Variants in HERC4 observed in about 807,000 individuals in gnomAD.
HERC4 encodes probable E3 ubiquitin-protein ligase HERC4.
A neutral mutation model predicts 124.3 loss-of-function variants in HERC4; 28 were observed. The observed-to-expected ratio is 0.23, with a 90% CI of 0.17 to 0.31. HERC4 has a LOEUF of 0.31. Ranked by LOEUF, HERC4 falls within the 10% of genes least tolerant of loss-of-function variation. The pLI is 1.00. For missense variants in HERC4, 713 were observed against 1,229.3 expected (o/e 0.58, Z 6.28); for synonymous variants, 407 against 421.5 (o/e 0.97, Z 0.42).
In HERC4 at chr10:67,954,660, A is replaced by G. The variant is rs765676364; in HGVS notation, c.2272T>C (p.Leu758=). Residue 758 remains leucine (L), a synonymous_variant, in exon 19 of 25, where the codon TTG becomes CTG. Transcript: ENST00000373700. Reference sequence around the variant, plus strand: ...CTAAACATGCCGTATTTAGGATCCAATAATTCCCTCATGATGAGCAAGAAA... The same window carrying G: ...CTAAACATGCCGTATTTAGGATCCAGTAATTCCCTCATGATGAGCAAGAAA... ...EFFLLIMREL[L]DPKYGMFRYY... 5 of 1,613,768 alleles carry G rather than the reference A, an allele frequency of 3.1e-6. No homozygotes were observed. The South Asian group carries it at 4.4e-5, about 14-fold the overall frequency.
chr10:68,059,569 T>C (rs183333411), intron 3 of HERC4, among the ~76,000 whole-genome samples: 3,491 of 85,822 alleles, frequency 0.041, 706 homozygotes, highest in African/African-American at 0.21. Context: ...ATCATAATAT[T>C]ATATATCATA....
intron 24 of HERC4, among the ~76,000 whole-genome samples, chr10:67,924,342 G>A (rs2030618238): frequency 6.6e-6 from 1 of 152,124 alleles, no homozygotes; most frequent in South Asian, 2.1e-4. Context: ...GCATCATTAG[G>A]TGATTTCATT....
At chr10:68,005,205 A>G (rs1448829117) in intron 9 of HERC4, among the ~76,000 whole-genome samples, 2 of 152,046 alleles carry the variant, frequency 1.3e-5, no homozygotes, top group African/African-American at 4.8e-5. Flanking sequence ...TCCGCTTTGT[A>G]TATCTGGGTT....
chr10:68,027,202 G>A (rs968798936), intron 7 of HERC4, among the ~76,000 whole-genome samples: 51 of 152,108 alleles, frequency 3.4e-4, no homozygotes, highest in African/African-American at 1.2e-3. Flanking sequence ...ACTACATACT[G>A]TTATATGAGA....
Position 68,010,581 on chromosome 10 carries a change from T to C in HERC4, c.1069+3445A>G, listed in dbSNP as rs2133084614. 4.2e-6 allele frequency: 5 copies of C among 1,182,486 alleles called. No homozygotes were observed. The South Asian group carries it at 6.5e-5, about 15-fold the overall frequency. 73.2% of individuals were successfully genotyped at this position (1,182,486 alleles called of 1,614,324 possible). A position where few individuals can be genotyped will look rare whatever the true frequency, so the allele number is the denominator to read the frequency against. ...CTCCAGGTTCTCAATACTGGTTCGC[T>C]TTCTCTTTCAGGCCTGCACGAGGGT... On this transcript the variant is annotated intron_variant, in intron 9 of 24. Coordinates refer to ENST00000373700, the MANE Select transcript of HERC4 (RefSeq NM_015601.4).
At chr10:68,073,352 T>A (rs1005461508) in intron 2 of HERC4, among the ~76,000 whole-genome samples, 166 bp from the exon 3 acceptor site, 2 of 152,200 alleles carry the variant, frequency 1.3e-5, no homozygotes, top group Admixed American at 6.5e-5. Context: ...TTGTATTTTT[T>A]AAAATGTATC....
At chr10:68,064,022 C>T (rs2041168640) in intron 3 of HERC4, among the ~76,000 whole-genome samples, 1 of 151,002 alleles carries the variant, frequency 6.6e-6, no homozygotes, top group Admixed American at 6.6e-5. Context: ...GTGGGCAGAT[C>T]ACTTGAGGCC....
At chr10:68,035,377 C>T (rs562830184) in intron 5 of HERC4, among the ~76,000 whole-genome samples, 64 of 152,192 alleles carry the variant, frequency 4.2e-4, no homozygotes, top group African/African-American at 1.1e-3. Flanking sequence ...AGGCTGGTCT[C>T]GAACTCCTGA....
At chr10:68,053,729 C>G (rs1365909268) in intron 3 of HERC4, among the ~76,000 whole-genome samples, 2 of 152,164 alleles carry the variant, frequency 1.3e-5, no homozygotes, top group African/African-American at 4.8e-5. Flanking sequence ...CTTGAACCTC[C>G]CCTGATAAAG....
chr10:67,973,414 G>C (rs2035372204), intron 15 of HERC4, among the ~76,000 whole-genome samples: 1 of 152,172 alleles, frequency 6.6e-6, no homozygotes, highest in Non-Finnish European at 1.5e-5. Flanking sequence ...CTAAAACAAG[G>C]CCCAATCCCG....
At chr10:67,949,899 A>G (rs533658021) in intron 19 of HERC4, among the ~76,000 whole-genome samples, 89 of 151,934 alleles carry the variant, frequency 5.9e-4, no homozygotes, top group South Asian at 4.4e-3. Context: ...CACACCTGTA[A>G]TCTCAGCTAC....
At chr10:68,059,458 TAA>T (rs1491275325) in intron 3 of HERC4, among the ~76,000 whole-genome samples, 2 of 63,032 alleles carry the variant, frequency 3.2e-5, no homozygotes, top group African/African-American at 2.4e-4. Flanking sequence ...TTATATATTA[TAA>T]TAATATTATA....
intron 7 of HERC4, among the ~76,000 whole-genome samples, chr10:68,031,628 T>G (rs1031305868): frequency 4.6e-5 from 7 of 152,208 alleles, no homozygotes; most frequent in Non-Finnish European, 7.3e-5. Context: ...CTTTCATAAT[T>G]GGTCATTATA....
chr10:67,973,292 A>C (rs1382199983), intron 15 of HERC4, among the ~76,000 whole-genome samples: 1 of 152,168 alleles, frequency 6.6e-6, no homozygotes, highest in Non-Finnish European at 1.5e-5. Context: ...CCCCCACCTA[A>C]ACTGCTAAAG....
intron 23 of HERC4, among the ~76,000 whole-genome samples, chr10:67,928,814 G>A (rs766625071): frequency 1.4e-4 from 21 of 152,126 alleles, no homozygotes; most frequent in South Asian, 6.2e-4. Context: ...CCAGCTACTC[G>A]GGAGGCTGAG....
At chr10:68,022,398 C>T (rs2038677484) in intron 8 of HERC4, among the ~76,000 whole-genome samples, 1 of 152,078 alleles carries the variant, frequency 6.6e-6, no homozygotes, top group Non-Finnish European at 1.5e-5. Context: ...ACTTGGGAAA[C>T]TGAGGCAGGA....
intron 3 of HERC4, among the ~76,000 whole-genome samples, chr10:68,047,960 T>C: frequency 6.6e-6 from 1 of 151,908 alleles, no homozygotes; most frequent in East Asian, 1.9e-4. Flanking sequence ...GGTCTCACCC[T>C]GTTGCCCAGG....
intron 15 of HERC4, among the ~76,000 whole-genome samples, 171 bp downstream of exon 15, chr10:67,988,491 AG>A (rs1247074661): frequency 6.6e-6 from 1 of 152,078 alleles, no homozygotes; most frequent in African/African-American, 2.4e-5. Flanking sequence ...AGAGCTCCAA[AG>A]GACAGGTTTA....
chr10:67,974,056 A>AC (rs1280564176), intron 15 of HERC4, among the ~76,000 whole-genome samples: 18 of 144,416 alleles, frequency 1.2e-4, no homozygotes, highest in Admixed American at 4.3e-4. Flanking sequence ...AAAAAAAAAA[A>AC]AAAAAAAAAA....
Sources: allele counts gnomAD v4.1 joint callset (sites outside exome capture counted in the v4.1 genomes callset), GRCh38; gene constraint gnomAD v4.1.1; transcripts MANE v1.5; gene names NCBI Gene and HGNC (gene_info 2026-07-23, HGNC 2026-07-21).